LIMCH1: variants seen among roughly 807,000 people sequenced by gnomAD.
The protein encoded by LIMCH1 is LIM and calponin homology domains-containing protein 1.
Under a neutral mutation model 176.5 loss-of-function variants are expected in LIMCH1, and 113 were observed. The observed-to-expected ratio is 0.64, with a 90% CI of 0.55 to 0.75. The LOEUF is 0.75. Ranked by LOEUF, LIMCH1 falls within the 30% of genes least tolerant of loss-of-function variation. LIMCH1 has a pLI of 0.00. For missense variants in LIMCH1, 1,674 were observed against 1,814.9 expected (o/e 0.92, Z 1.41); for synonymous variants, 619 against 645.9 (o/e 0.96, Z 0.63).
intron 2 of LIMCH1, among the ~76,000 whole-genome samples, chr4:41,521,093 G>A (rs1254014488): frequency 6.6e-6 from 1 of 152,124 alleles, no homozygotes; most frequent in East Asian, 1.9e-4. Flanking sequence ...TTCCCACCTG[G>A]TGTTGATATT....
chr4:41,534,885 G>A (rs969015537), upstream of LIMCH1, among the ~76,000 whole-genome samples: 9 of 151,994 alleles, frequency 5.9e-5, no homozygotes, highest in South Asian at 6.2e-4. Context: ...CAGAAAGACC[G>A]GTGCAGTGGC....
chr4:41,434,672 A>C (rs1247667246), intron 1 of LIMCH1, among the ~76,000 whole-genome samples: 1 of 152,060 alleles, frequency 6.6e-6, no homozygotes, highest in Non-Finnish European at 1.5e-5. Context: ...GCCCACCCCC[A>C]TGCCCGGCTA....
intron 7 of LIMCH1, among the ~76,000 whole-genome samples, chr4:41,623,684 C>T (rs2092744832): frequency 6.6e-6 from 1 of 152,112 alleles, no homozygotes; most frequent in African/African-American, 2.4e-5. Flanking sequence ...TTGCTTGAAC[C>T]CGGGAGGCAG....
At chr4:41,367,684 C>CAAAAAAAAAAAAAA (rs35832745) in intron 1 of LIMCH1, among the ~76,000 whole-genome samples, 26 of 96,464 alleles carry the variant, frequency 2.7e-4, no homozygotes, top group Non-Finnish European at 4.3e-4. Context: ...ACTAAAAATC[C>CAAAAAAAAAAAAAA]AAAAAAAAAA....
intron 24 of LIMCH1, 38 bp downstream of exon 24, chr4:41,680,136 C>G: frequency 7.2e-7 from 1 of 1,384,744 alleles, no homozygotes; most frequent in South Asian, 1.2e-5. Flanking sequence ...CCTTGTCATC[C>G]CAATTCCTCA....
chr4:41,497,919 TG>T (rs1239177718), intron 2 of LIMCH1, among the ~76,000 whole-genome samples: 3 of 151,588 alleles, frequency 2.0e-5, no homozygotes, highest in African/African-American at 7.3e-5. Flanking sequence ...GATTGGCAGG[TG>T]GAGAGAGGAG....
intron 1 of LIMCH1, among the ~76,000 whole-genome samples, chr4:41,578,694 T>G (rs569462652): frequency 1.1e-3 from 166 of 152,168 alleles, no homozygotes; most frequent in African/African-American, 3.9e-3. Context: ...TCTTCTTTTC[T>G]TTTCTTCTTT....
intron 2 of LIMCH1, among the ~76,000 whole-genome samples, chr4:41,502,127 A>G (rs114362726): frequency 0.067 from 9,303 of 139,526 alleles, 325 homozygotes; most frequent in African/African-American, 0.074. Flanking sequence ...TGGTCTCATC[A>G]TTCAGCTCCC....
intron 10 of LIMCH1, 142 bp downstream of exon 10, chr4:41,631,619 G>C: frequency 1.5e-6 from 1 of 682,426 alleles, no homozygotes; most frequent in Non-Finnish European, 2.3e-6. Context: ...AATGTTAGCG[G>C]GTCCCCCTGC....
chr4:41,629,531 C>CTA lies in LIMCH1; in HGVS notation c.1069_1070insAT (p.Cys357TyrfsTer4). The CTA allele has an allele frequency of 3.3e-6, 5 of 1,536,012 alleles. No homozygotes were observed. The highest frequency in any genetic ancestry group is 3.5e-6 in the Non-Finnish European group (4 of 1,146,874). ...CAGAAGAGGTGAAGTTGATAGTGACCTGTAACATGAGGGCTCAGGAAAGTG... is the reference window on the plus strand; with the variant it reads ...CAGAAGAGGTGAAGTTGATAGTGACCTATGTAACATGAGGGCTCAGGAAAGTG... On this transcript the variant is annotated frameshift_variant, in exon 9 of 32. Coordinates refer to ENST00000503057, the MANE Select transcript of LIMCH1 (RefSeq NM_001330672.2). LOFTEE classifies it high-confidence loss of function.
In LIMCH1 at chr4:41,394,931, G is replaced by A. The variant is rs182357101; in HGVS notation, c.96+33995G>A. On this transcript the variant is annotated intron_variant, in intron 1 of 26. Coordinates refer to the LIMCH1 transcript ENST00000313860. Reference sequence around the variant, plus strand: ...AATCTGTGTGGACTGAGTCATTAAAGCTAAGTTAACGGCTTCACTTTTTTC... The same window carrying A: ...AATCTGTGTGGACTGAGTCATTAAAACTAAGTTAACGGCTTCACTTTTTTC... Among the ~76,000 whole-genome samples, 128 of 152,318 alleles carry A rather than the reference G, an allele frequency of 8.4e-4. 1 individual carries two copies. Among genetic ancestry groups the A allele is most frequent in the Middle Eastern group, 3.4e-3 (1 of 294 alleles).
intron 1 of LIMCH1, among the ~76,000 whole-genome samples, chr4:41,540,220 T>C (rs568392740): frequency 6.6e-6 from 1 of 151,936 alleles, no homozygotes; most frequent in African/African-American, 2.4e-5. Flanking sequence ...AGGTAAAGAG[T>C]CTAGATTTTT....
chr4:41,392,155 G>A (rs959345138), intron 1 of LIMCH1, among the ~76,000 whole-genome samples: 6 of 152,096 alleles, frequency 3.9e-5, no homozygotes, highest in African/African-American at 1.2e-4. Flanking sequence ...AATTTTTCTG[G>A]TGCTGGTAAT....
rs1714377210 is a variant in LIMCH1, at chr4:41,680,011, A to G, written c.3525A>G (p.Arg1175=). 6.2e-7 allele frequency: 1 copy of G among 1,607,532 alleles called. No homozygotes were observed. The highest frequency in any genetic ancestry group is 8.5e-7 in the Non-Finnish European group (1 of 1,176,530). The change falls in exon 24 of 32, where the codon AGA becomes AGG. Residue 1175 remains arginine (R), a synonymous_variant. Transcript: ENST00000503057. ...CTATGGAAATTCCATAACAGGAGAG[A>G]TACCAGAAGGAGCAGGACAAGCTGA... ...QQEQERLLQE[R]YQKEQDKLKE...
intron 1 of LIMCH1, among the ~76,000 whole-genome samples, chr4:41,369,960 T>TGTGTGTGTG (rs1314027068): frequency 4.8e-5 from 3 of 62,430 alleles, no homozygotes; most frequent in African/African-American, 3.5e-4. Flanking sequence ...GTGTGTGTGT[T>TGTGTGTGTG]TTGTAGTGAT....
intron 1 of LIMCH1, among the ~76,000 whole-genome samples, chr4:41,362,476 A>G (rs1023668673): frequency 6.6e-6 from 1 of 152,176 alleles, no homozygotes; most frequent in African/African-American, 2.4e-5. Flanking sequence ...ACTATTTTTC[A>G]GGTTCTTGAA....
chr4:41,455,100 A>G (rs1003263554), intron 1 of LIMCH1, among the ~76,000 whole-genome samples: 2 of 152,138 alleles, frequency 1.3e-5, no homozygotes, highest in African/African-American at 2.4e-5. Context: ...GAGTATTATA[A>G]ATATTTATGT....
At chr4:41,372,792 C>T (rs776799281) in intron 1 of LIMCH1, among the ~76,000 whole-genome samples, 5 of 152,104 alleles carry the variant, frequency 3.3e-5, no homozygotes, top group Admixed American at 2.0e-4. Flanking sequence ...ATCCAGGAAA[C>T]CTACAGGAGT....
chr4:41,415,977 GAA>G (rs555817677), intron 1 of LIMCH1, among the ~76,000 whole-genome samples: 4 of 141,320 alleles, frequency 2.8e-5, no homozygotes, highest in Admixed American at 7.1e-5. Context: ...ACTCCGTCTC[GAA>G]AAAAAAAAAA....
Sources: gnomAD v4.1 joint callset for allele counts (sites outside exome capture counted in the v4.1 genomes callset) on GRCh38, gnomAD v4.1.1 for gene constraint, MANE v1.5 for transcripts, NCBI Gene and HGNC (gene_info 2026-07-23, HGNC 2026-07-21) for gene names.